Variants in ALK observed in about 807,000 individuals in gnomAD.
ALK encodes the protein ALK tyrosine kinase receptor.
A neutral mutation model predicts 163.1 loss-of-function variants in ALK; 74 were observed. That is an observed-to-expected ratio of 0.45 (90% confidence interval 0.38 to 0.55). ALK has a LOEUF of 0.55. Ranked by LOEUF, ALK falls within the 20% of genes least tolerant of loss-of-function variation. The pLI is 0.00. For missense variants in ALK, 2,063 were observed against 2,105.3 expected (o/e 0.98, Z 0.39); for synonymous variants, 960 against 843.2 (o/e 1.14, Z -2.40).
At chr2:29,463,816 G>A (rs991574432) in intron 4 of ALK, among the ~76,000 whole-genome samples, 5 of 152,116 alleles carry the variant, frequency 3.3e-5, no homozygotes, top group Non-Finnish European at 7.4e-5. Context: ...AACTACCACC[G>A]GGCAAGGAAA....
Position 29,577,663 on chromosome 2 carries a change from C to T in ALK, c.953-45547G>A, listed in dbSNP as rs116582599. Among the ~76,000 whole-genome samples the T allele has an allele frequency of 1.1e-4, 17 of 152,298 alleles. No homozygotes were observed. The South Asian group carries it at 3.5e-3, about 32-fold the overall frequency. On this transcript the variant is annotated intron_variant, in intron 3 of 28. Coordinates refer to ENST00000389048, the MANE Select transcript of ALK (RefSeq NM_004304.5). ...CCATCCTTCTAGCAAGTGCAACCTC[C>T]CCCAGCTCTGCAAACACAGGAGTGA...
At chr2:29,773,974 C>G (rs896798814) in intron 1 of ALK, among the ~76,000 whole-genome samples, 1 of 152,174 alleles carries the variant, frequency 6.6e-6, no homozygotes, top group Non-Finnish European at 1.5e-5. Context: ...GAGAGCTAGT[C>G]TGTTGTGGAA....
At chr2:29,777,031 G>C (rs1038344862) in intron 1 of ALK, among the ~76,000 whole-genome samples, 2 of 152,026 alleles carry the variant, frequency 1.3e-5, no homozygotes, top group African/African-American at 4.8e-5. Flanking sequence ...CCATGGAGTC[G>C]GGATTTTCCT....
intron 1 of ALK, among the ~76,000 whole-genome samples, chr2:29,770,533 G>A (rs1167308261): frequency 1.3e-5 from 2 of 152,194 alleles, no homozygotes; most frequent in African/African-American, 2.4e-5. Context: ...TCAAGCAAAC[G>A]GGATAAAAGC....
intron 1 of ALK, among the ~76,000 whole-genome samples, chr2:29,907,732 A>T (rs957895626): frequency 2.6e-5 from 4 of 152,172 alleles, no homozygotes; most frequent in Admixed American, 2.6e-4. Flanking sequence ...CGTGCATGTA[A>T]ATAGCTCCCA....
At chr2:29,416,561 C>A (rs529158410) in intron 4 of ALK, among the ~76,000 whole-genome samples, 1 of 152,060 alleles carries the variant, frequency 6.6e-6, no homozygotes, top group African/African-American at 2.4e-5. Flanking sequence ...TTAAGGAAAG[C>A]GAGAATTTTC....
intron 4 of ALK, among the ~76,000 whole-genome samples, chr2:29,506,886 G>A (rs1672341797): frequency 6.6e-6 from 1 of 152,202 alleles, no homozygotes; most frequent in Admixed American, 6.5e-5. Flanking sequence ...AAATATCAGT[G>A]AGGATGTAGA....
At chr2:29,402,775 G>A (rs1323334001) in intron 4 of ALK, among the ~76,000 whole-genome samples, 2 of 152,160 alleles carry the variant, frequency 1.3e-5, no homozygotes, top group Non-Finnish European at 2.9e-5. Flanking sequence ...TTCTCCCTGA[G>A]GTCTGGGCTA....
At chr2:29,588,606 G>A (rs1007968705) in intron 3 of ALK, among the ~76,000 whole-genome samples, 2 of 152,124 alleles carry the variant, frequency 1.3e-5, no homozygotes, top group African/African-American at 4.8e-5. Context: ...TATCCCAGAG[G>A]TTAGCAAACT....
chr2:29,314,876 C>T (rs1026160380), intron 8 of ALK, among the ~76,000 whole-genome samples: 1 of 152,122 alleles, frequency 6.6e-6, no homozygotes, highest in Non-Finnish European at 1.5e-5. Flanking sequence ...CTGCCGTGCT[C>T]TTTATTACCA....
intron 24 of ALK, among the ~76,000 whole-genome samples, chr2:29,212,214 A>G (rs955768938): frequency 1.3e-5 from 2 of 152,236 alleles, no homozygotes; most frequent in African/African-American, 2.4e-5. Context: ...CTTAAAGCAC[A>G]TGGACAAAGA....
chr2:29,533,265 C>CTA (rs1340904214), intron 3 of ALK, among the ~76,000 whole-genome samples: 57 of 152,166 alleles, frequency 3.7e-4, no homozygotes, highest in African/African-American at 1.2e-3. Flanking sequence ...AAATAATCTA[C>CTA]ATTATGACAG....
chr2:29,197,738 C>T (rs1020188175), intron 26 of ALK, 62 bp from the exon 27 acceptor site: 19 of 1,298,124 alleles, frequency 1.5e-5, no homozygotes, highest in Non-Finnish European at 2.1e-5. Flanking sequence ...TTCACACACA[C>T]ACACAGGCAC....
chr2:29,336,299 G>A (rs181018161), intron 5 of ALK, among the ~76,000 whole-genome samples: 51 of 152,306 alleles, frequency 3.3e-4, no homozygotes, highest in Non-Finnish European at 5.6e-4. Context: ...GATAGAGTTA[G>A]TGTCGACTTT....
At chr2:29,727,200 T>A (rs1679599626) in intron 1 of ALK, among the ~76,000 whole-genome samples, 1 of 152,158 alleles carries the variant, frequency 6.6e-6, no homozygotes, top group Non-Finnish European at 1.5e-5. Context: ...GATGCCTGGA[T>A]CCTTGAAATT....
chr2:29,584,185 G>A (rs1039706065), intron 3 of ALK, among the ~76,000 whole-genome samples: 4 of 152,120 alleles, frequency 2.6e-5, no homozygotes, highest in Non-Finnish European at 5.9e-5. Flanking sequence ...ACATCTTTGA[G>A]TTAAATCTAG....
At chr2:29,452,848 T>A (rs993655651) in intron 4 of ALK, among the ~76,000 whole-genome samples, 1 of 152,208 alleles carries the variant, frequency 6.6e-6, no homozygotes, top group African/African-American at 2.4e-5. Context: ...AACCTCAGTC[T>A]ACTCAGAAGA....
In ALK at chr2:29,197,610, G is replaced by GTTGCTT; in HGVS notation, c.3999_4004dup (p.Lys1333_Ser1334dup). 2 of 1,614,012 alleles carry GTTGCTT rather than the reference G, an allele frequency of 1.2e-6. No individual in the cohort carries two copies. Among genetic ancestry groups the GTTGCTT allele is most frequent in the Non-Finnish European group, 1.7e-6 (2 of 1,180,014 alleles). ...TGGTGACAAACTCCAGAACTTCCTGGTTGCTTTTGCTGGGGTATGGCATAT... is the reference window on the plus strand; with the variant it reads ...TGGTGACAAACTCCAGAACTTCCTGGTTGCTTTTGCTTTTGCTGGGGTATGGCATAT... On this transcript the variant is annotated inframe_insertion, in exon 27 of 29. Coordinates refer to ENST00000389048, the MANE Select transcript of ALK (RefSeq NM_004304.5).
chr2:29,694,952 T>G lies in ALK; in HGVS notation c.850A>C (p.Arg284=). The stretch of plus-strand genomic sequence containing the variant: ...CGGCGCCAGGACCAGCTCTGGTTCC[T>G]GAGGTCATGCAGTGGAGGGGAATAC... ...LEYSPPLHDL[R]NQSWSWRRIP... Residue 284 remains arginine (R), a synonymous_variant, in exon 3 of 29, where the codon AGG becomes CGG. Coordinates refer to ENST00000389048, the MANE Select transcript of ALK (RefSeq NM_004304.5). 1 of 1,614,130 alleles carries G rather than the reference T, an allele frequency of 6.2e-7. No individual in the cohort carries two copies. Among genetic ancestry groups the G allele is most frequent in the Non-Finnish European group, 8.5e-7 (1 of 1,179,984 alleles).
Sources: allele counts gnomAD v4.1 joint callset (sites outside exome capture counted in the v4.1 genomes callset), GRCh38; gene constraint gnomAD v4.1.1; transcripts MANE v1.5; gene names NCBI Gene and HGNC (gene_info 2026-07-23, HGNC 2026-07-21).